GTF2I: variants seen among roughly 807,000 people sequenced by gnomAD.
GTF2I encodes the protein general transcription factor II-I.
GTF2I carries 12 observed loss-of-function variants against 67.6 expected under a neutral mutation model. The ratio of observed to expected loss-of-function variants is 0.18; its 90% CI spans 0.11 to 0.29. The LOEUF (loss-of-function observed/expected upper bound fraction) is 0.29, where lower values mean the gene tolerates loss of function less well. Ranked by LOEUF, GTF2I falls within the 10% of genes least tolerant of loss-of-function variation. The pLI is 1.00. For missense variants in GTF2I, 271 were observed against 580.1 expected, an observed-to-expected ratio of 0.47 and a Z score of 5.47; for synonymous variants, 149 against 197.0, an observed-to-expected ratio of 0.76 and a Z score of 2.04.
intron 13 of GTF2I, among the ~76,000 whole-genome samples, chr7:74,729,966 T>C (rs1794313318): frequency 1.1e-5 from 1 of 91,346 alleles, no homozygotes. Flanking sequence ...TAAAAAGAGG[T>C]GCTAAATGTT....
intron 11 of GTF2I, among the ~76,000 whole-genome samples, chr7:74,718,015 G>A (rs1224506511): frequency 2.0e-5 from 3 of 152,156 alleles, no homozygotes; most frequent in South Asian, 2.1e-4. Context: ...TTGAATAGGC[G>A]GGATTTAGAA....
chr7:74,669,924 CA>C (rs1805309768), intron 1 of GTF2I, among the ~76,000 whole-genome samples: 2 of 152,184 alleles, frequency 1.3e-5, no homozygotes, highest in South Asian at 4.1e-4. Context: ...AAAAGGTACA[CA>C]TACTTCATTT....
At chr7:74,658,378 T>TGGGGGAGGGGCGCGCGCGC (rs1804121684) in intron 1 of GTF2I, among the ~76,000 whole-genome samples, 1 of 137,496 alleles carries the variant, frequency 7.3e-6, no homozygotes, top group Non-Finnish European at 1.6e-5. Flanking sequence ...TCAGTGCGCG[T>TGGGGGAGGGGCGCGCGCGC]GGGGGAGGGG....
intron 3 of GTF2I, among the ~76,000 whole-genome samples, chr7:74,696,284 A>G (rs782647045): frequency 1.3e-5 from 2 of 151,752 alleles, no homozygotes; most frequent in Non-Finnish European, 2.9e-5. Flanking sequence ...GACTGGCCTC[A>G]TTGTTAATAA....
chr7:74,711,128 A>G lies in GTF2I; in HGVS notation c.763+19A>G, dbSNP rs782627499. 3.7e-6 allele frequency: 4 copies of G among 1,084,122 alleles called. No individual in the cohort carries two copies. The highest frequency in any genetic ancestry group is 1.5e-5 in the South Asian group (1 of 66,118). 67.2% of individuals were successfully genotyped at this position (1,084,122 alleles called of 1,614,324 possible). Reference sequence around the variant, plus strand: ...ATTCAAGGTAATTTGAATTAATGCAATTTTTCTTTCTAAAAATTATTCGTG... The same window carrying G: ...ATTCAAGGTAATTTGAATTAATGCAGTTTTTCTTTCTAAAAATTATTCGTG... On this transcript the variant is annotated intron_variant, in intron 9 of 34. Transcript: ENST00000573035.
At chr7:74,758,052 CTTCTT>C (rs1562996518) in intron 33 of GTF2I, 52 bp downstream of exon 33, 938 of 210,574 alleles carry the variant, frequency 4.5e-3, no homozygotes, top group South Asian at 7.4e-3. Context: ...CTTTCTTCTT[CTTCTT>C]TTTTTTTTTT....
chr7:74,704,295 T>TATTTATTTA (rs1554400658), intron 6 of GTF2I, among the ~76,000 whole-genome samples: 3 of 150,120 alleles, frequency 2.0e-5, no homozygotes, highest in East Asian at 1.9e-4. Context: ...TTTATTTATT[T>TATTTATTTA]TTTTATTTAT....
chr7:74,659,835 G>C (rs1309611771), intron 1 of GTF2I, among the ~76,000 whole-genome samples: 3 of 152,118 alleles, frequency 2.0e-5, no homozygotes, highest in African/African-American at 7.2e-5. Flanking sequence ...GAGCCACCAC[G>C]CTGGGCCTCA....
At chr7:74,747,856 A>C (rs1443416770) in intron 23 of GTF2I, among the ~76,000 whole-genome samples, 159 bp from the exon 24 acceptor site, 46 of 120,968 alleles carry the variant, frequency 3.8e-4, no homozygotes, top group African/African-American at 1.3e-3. Flanking sequence ...GTAGAAATAG[A>C]AAAATGGTTT....
intron 8 of GTF2I, among the ~76,000 whole-genome samples, chr7:74,708,632 C>G (rs1397057260): frequency 2.0e-5 from 3 of 152,122 alleles, no homozygotes; most frequent in African/African-American, 4.8e-5. Flanking sequence ...AAAAGGAAGG[C>G]CCAGATCTCT....
intron 1 of GTF2I, among the ~76,000 whole-genome samples, chr7:74,675,329 C>T (rs1338683384): frequency 1.3e-5 from 2 of 152,100 alleles, no homozygotes; most frequent in African/African-American, 4.8e-5. Context: ...GTTTTCCTTG[C>T]ATTTTGTTGG....
intron 6 of GTF2I, among the ~76,000 whole-genome samples, chr7:74,702,471 G>A (rs1789934402): frequency 6.6e-6 from 1 of 151,986 alleles, no homozygotes; most frequent in Admixed American, 6.6e-5. Context: ...CATGATCAAG[G>A]GAGGCCTCTC....
intron 6 of GTF2I, among the ~76,000 whole-genome samples, chr7:74,704,265 T>A (rs1215533615): frequency 6.9e-6 from 1 of 144,554 alleles, no homozygotes; most frequent in Non-Finnish European, 1.5e-5. Context: ...ACTTAATTAT[T>A]ATTTTTATTT....
intron 9 of GTF2I, 42 bp from the exon 10 acceptor site, chr7:74,714,815 T>TG (rs781843835): frequency 1.0e-4 from 141 of 1,371,622 alleles, no homozygotes; most frequent in Non-Finnish European, 1.1e-4. Flanking sequence ...CATTTTTTTT[T>TG]GGGGGGGATT....
intron 11 of GTF2I, among the ~76,000 whole-genome samples, chr7:74,718,134 G>A (rs1013961734): frequency 1.3e-5 from 2 of 152,208 alleles, no homozygotes; most frequent in African/African-American, 4.8e-5. Context: ...TGAAGACTGC[G>A]TTTTTAGGAC....
chr7:74,691,871 T>G (rs1323751191), intron 3 of GTF2I, among the ~76,000 whole-genome samples: 1 of 151,826 alleles, frequency 6.6e-6, no homozygotes, highest in East Asian at 1.9e-4. Flanking sequence ...CCACCTCCCA[T>G]GTTCAAGCAA....
Position 74,692,134 on chromosome 7 carries a change from C to T in GTF2I, c.238+1023C>T, listed in dbSNP as rs140892339. On this transcript the variant is annotated intron_variant, in intron 3 of 34. Coordinates refer to ENST00000573035, the MANE Select transcript of GTF2I (RefSeq NM_032999.4). ...CCGTCACCAGGCTGGAGTGCAGTGG[C>T]GCGATCTCCGCTCACTGCAACTTCC... is the stretch of plus-strand genomic sequence containing the variant. 3.7e-3 allele frequency among the ~76,000 whole-genome samples: 548 copies of T among 149,314 alleles called. 5 individuals are homozygous for T. Among genetic ancestry groups the T allele is most frequent in the African/African-American group, 0.013 (513 of 40,474 alleles).
At chr7:74,680,099 A>AAAAATATATAT in intron 1 of GTF2I, among the ~76,000 whole-genome samples, 5 of 94,986 alleles carry the variant, frequency 5.3e-5, no homozygotes, top group South Asian at 3.3e-4. Flanking sequence ...AAAAAAAAAA[A>AAAAATATATAT]ATATATATAT....
Position 74,667,186 on chromosome 7 carries a change from T to C in GTF2I, c.-6+9118T>C, listed in dbSNP as rs587728191. Reference sequence around the variant, plus strand: ...CAAAAAAACACATCTCTACTGAAAATACAGAAGTTAGCTGGGAGTGGTGAC... The same window carrying C: ...CAAAAAAACACATCTCTACTGAAAACACAGAAGTTAGCTGGGAGTGGTGAC... On this transcript the variant is annotated intron_variant, in intron 1 of 34. Transcript: ENST00000573035. Among the ~76,000 whole-genome samples, 10 of 151,732 alleles carry C rather than the reference T, an allele frequency of 6.6e-5. No homozygotes were observed. The East Asian group carries it at 1.9e-3, about 29-fold the overall frequency.
Sources: gnomAD v4.1 joint callset for allele counts (sites outside exome capture counted in the v4.1 genomes callset) on GRCh38, gnomAD v4.1.1 for gene constraint, MANE v1.5 for transcripts, NCBI Gene and HGNC (gene_info 2026-07-23, HGNC 2026-07-21) for gene names.